Variants in TEX9 observed in about 807,000 individuals in gnomAD.
TEX9 encodes testis expressed 9, also known as testis-expressed protein 9.
A neutral mutation model predicts 59.6 loss-of-function variants in TEX9; 74 were observed. The observed-to-expected ratio is 1.24, with a 90% CI of 1.03 to 1.51. The LOEUF is 1.51. Ranked by LOEUF, TEX9 falls within the 40% of genes most tolerant of loss-of-function variation. The pLI is 0.00. For missense variants in TEX9, 522 were observed against 447.8 expected (o/e 1.17, Z -1.49); for synonymous variants, 186 against 152.2 (o/e 1.22, Z -1.64).
intron 1 of TEX9, among the ~76,000 whole-genome samples, chr15:56,278,778 C>T (rs1220308421): frequency 2.7e-5 from 4 of 150,470 alleles, no homozygotes; most frequent in Non-Finnish European, 5.9e-5. Flanking sequence ...TCTGTCATGA[C>T]AACCTCAGCT....
chr15:56,413,107 T>C (rs1379704954), intron 10 of TEX9, among the ~76,000 whole-genome samples: 1 of 141,770 alleles, frequency 7.1e-6, no homozygotes, highest in Non-Finnish European at 1.6e-5. Context: ...TCTATAAATA[T>C]TGGTTACTTT....
At chr15:56,377,672 C>T (rs150154471) in intron 3 of TEX9, among the ~76,000 whole-genome samples, 77 of 152,172 alleles carry the variant, frequency 5.1e-4, no homozygotes, top group African/African-American at 1.7e-3. Flanking sequence ...AAGAGCATAT[C>T]ATCTGTAAAT....
At chr15:56,428,267 A>G (rs760776860) in intron 11 of TEX9, 100 bp from the exon 12 acceptor site, 2 of 804,904 alleles carry the variant, frequency 2.5e-6, no homozygotes, top group Non-Finnish European at 4.1e-6. Flanking sequence ...CAGAACTTAT[A>G]TTCTGACAAT....
chr15:56,388,200 CTT>C, intron 4 of TEX9, among the ~76,000 whole-genome samples: 1 of 151,894 alleles, frequency 6.6e-6, no homozygotes, highest in African/African-American at 2.4e-5. Flanking sequence ...CACAATTACT[CTT>C]TATGATTTCC....
chr15:56,338,457 C>G (rs1433872094), intron 1 of TEX9, among the ~76,000 whole-genome samples: 2 of 152,158 alleles, frequency 1.3e-5, no homozygotes, highest in African/African-American at 4.8e-5. Context: ...GGTCACGGAT[C>G]CACTGCCACA....
At chr15:56,363,225 G>C (rs2046822841), upstream of TEX9, among the ~76,000 whole-genome samples, 1 of 150,756 alleles carries the variant, frequency 6.6e-6, no homozygotes, top group African/African-American at 2.4e-5. Flanking sequence ...GTTTATGAGG[G>C]TTCAAGTTTC....
intron 1 of TEX9, among the ~76,000 whole-genome samples, chr15:56,320,603 G>A (rs2045880034): frequency 6.6e-6 from 1 of 152,166 alleles, no homozygotes; most frequent in Non-Finnish European, 1.5e-5. Context: ...TCAGATCAGG[G>A]TCCAATCCCT....
intron 1 of TEX9, among the ~76,000 whole-genome samples, chr15:56,250,028 A>G (rs1055475881): frequency 1.3e-5 from 2 of 152,084 alleles, no homozygotes; most frequent in Admixed American, 6.6e-5. Context: ...TTCAAACCCT[A>G]CTGCAGTACT....
At chr15:56,365,527 G>C in intron 1 of TEX9, 50 bp downstream of exon 1, 1 of 1,614,234 alleles carries the variant, frequency 6.2e-7, no homozygotes, top group Non-Finnish European at 8.5e-7. Context: ...CGGCGACTAG[G>C]ACGCCTAACT....
At chr15:56,274,321 C>T (rs1459797919) in intron 1 of TEX9, among the ~76,000 whole-genome samples, 1 of 152,034 alleles carries the variant, frequency 6.6e-6, no homozygotes, top group Non-Finnish European at 1.5e-5. Flanking sequence ...CCATTAATTT[C>T]TTATAATTTC....
At chr15:56,373,339 T>A (rs1273935586) in intron 2 of TEX9, 102 bp from the exon 3 acceptor site, 1 of 1,028,576 alleles carries the variant, frequency 9.7e-7, no homozygotes. Flanking sequence ...ATGTATATTT[T>A]GGCATTTGTT....
intron 1 of TEX9, among the ~76,000 whole-genome samples, chr15:56,358,937 A>T (rs554380884): frequency 1.3e-5 from 2 of 151,948 alleles, no homozygotes; most frequent in East Asian, 3.9e-4. Flanking sequence ...TTCCGCCATG[A>T]TTGTTAAGTT....
intron 7 of TEX9, among the ~76,000 whole-genome samples, chr15:56,393,395 C>T (rs1201214468): frequency 6.6e-6 from 1 of 152,120 alleles, no homozygotes; most frequent in Non-Finnish European, 1.5e-5. Context: ...GTTTTATGCT[C>T]TGCACGTCAC....
downstream of TEX9, among the ~76,000 whole-genome samples, chr15:56,450,592 T>C (rs929784735): frequency 1.4e-4 from 22 of 152,232 alleles, no homozygotes; most frequent in African/African-American, 5.3e-4. Flanking sequence ...GCTTCATTTT[T>C]TTTTTATAAC....
At chr15:56,263,283 A>G (rs1274023715) in intron 1 of TEX9, among the ~76,000 whole-genome samples, 1 of 152,150 alleles carries the variant, frequency 6.6e-6, no homozygotes, top group East Asian at 1.9e-4. Flanking sequence ...TTGGCCTCCC[A>G]AAGTTCTGGG....
intron 1 of TEX9, among the ~76,000 whole-genome samples, chr15:56,339,383 C>CAAAAAAAAAAAAAAAAAAA (rs71456382): frequency 2.6e-4 from 8 of 30,766 alleles, no homozygotes; most frequent in African/African-American, 7.2e-4. Context: ...ACTCCTTCTC[C>CAAAAAAAAAAAAAAAAAAA]AAAAAAAAAA....
In TEX9 at chr15:56,443,686, C is replaced by A. The variant is rs777442481; in HGVS notation, c.*30-1985C>A. 1.7e-5 allele frequency: 28 copies of A among 1,613,378 alleles called. 1 individual carries two copies. Among genetic ancestry groups the A allele is most frequent in the Admixed American group, 6.7e-5 (4 of 59,990 alleles). On this transcript the variant is annotated intron_variant, in intron 12 of 12. Transcript: ENST00000352903. ...TCTCCTCATTTTCTTGAACTTTTGC[C>A]ATCCGATCTTCTTCTCTTTGCTGCT... is the stretch of plus-strand genomic sequence containing the variant.
intron 1 of TEX9, among the ~76,000 whole-genome samples, chr15:56,303,400 T>G (rs1440201757): frequency 1.3e-5 from 2 of 152,018 alleles, no homozygotes; most frequent in African/African-American, 4.8e-5. Flanking sequence ...AATAAGAAAT[T>G]TGGAAACTAT....
At chr15:56,383,638 A>G (rs1257204289) in intron 3 of TEX9, among the ~76,000 whole-genome samples, 1 of 152,154 alleles carries the variant, frequency 6.6e-6, no homozygotes, top group African/African-American at 2.4e-5. Context: ...GCCTCCTTCT[A>G]ATTTCTGCTG....
Sources: gnomAD v4.1 joint callset for allele counts (sites outside exome capture counted in the v4.1 genomes callset) on GRCh38, gnomAD v4.1.1 for gene constraint, MANE v1.5 for transcripts, NCBI Gene and HGNC (gene_info 2026-07-23, HGNC 2026-07-21) for gene names.